Variants in SNX32 observed in about 807,000 individuals in gnomAD.
SNX32 encodes the protein sorting nexin 32, also known as sorting nexin-32.
SNX32 carries 58 observed loss-of-function variants against 57.0 expected under a neutral mutation model. The ratio of observed to expected loss-of-function variants is 1.02; its 90% confidence interval spans 0.82 to 1.27. The LOEUF is 1.27. Ranked by LOEUF, SNX32 falls within the 50% of genes most tolerant of loss-of-function variation. SNX32 has a pLI of 0.00. For synonymous variants in SNX32, 262 were observed against 220.4 expected (o/e 1.19, Z -1.67); for missense variants, 589 against 541.2 (o/e 1.09, Z -0.88).
intron 5 of SNX32, 88 bp from the exon 6 acceptor site, chr11:65,850,663 C>A: frequency 6.4e-7 from 1 of 1,570,988 alleles, no homozygotes. Context: ...GGGCCCAATC[C>A]TGTGTCACAG....
chr11:65,851,720 C>T (rs1304073594), intron 9 of SNX32, 41 bp downstream of exon 9: 2 of 1,608,122 alleles, frequency 1.2e-6, no homozygotes, highest in Non-Finnish European at 1.7e-6. Context: ...TCCTGGTGAG[C>T]TTTGCAGGGA....
chr11:65,853,326 G>A lies in SNX32; in HGVS notation c.1203G>A (p.Gly401=). Residue 401 remains glycine (G), a synonymous_variant, in exon 13 of 13, where the codon GGG becomes GGA. Coordinates refer to ENST00000308342, the MANE Select transcript of SNX32 (RefSeq NM_152760.3). ...GGAACACCCTTGTTGCCCTAAAGGGGGAGCCTTAGAGTAGCCAGAGCTCAG... is the reference window on the plus strand; with the variant it reads ...GGAACACCCTTGTTGCCCTAAAGGGAGAGCCTTAGAGTAGCCAGAGCTCAG... ...ILRNTLVALK[G]EP The A allele has an allele frequency of 1.2e-6, 2 of 1,614,070 alleles. No individual in the cohort carries two copies. Among genetic ancestry groups the A allele is most frequent in the Non-Finnish European group, 1.7e-6 (2 of 1,180,004 alleles).
chr11:65,850,445 T>A lies in SNX32; in HGVS notation c.389T>A (p.Ile130Asn), dbSNP rs1472688747. Residue 130 changes from isoleucine to asparagine, a missense_variant, in exon 5 of 13, where the codon ATC becomes AAC. Ile to Asn is a moderately radical substitution (Grantham distance 149). Transcript: ENST00000308342. ...CACTCTCGCAGGGAGTACCTGGCCATCTTTAAGAAGACAGTTGCGATGCAC... is the reference window on the plus strand; with the variant it reads ...CACTCTCGCAGGGAGTACCTGGCCAACTTTAAGAAGACAGTTGCGATGCAC... ...KQELEAEYLA[I>N]FKKTVAMHEV... is the part of the protein sequence containing the mutation. The A allele has an allele frequency of 1.2e-6, 2 of 1,614,042 alleles. No homozygotes were observed. The highest frequency in any genetic ancestry group is 1.7e-5 in the Admixed American group (1 of 60,010).
In SNX32 at chr11:65,853,544, A is replaced by G. The variant is rs1456851065; in HGVS notation, c.*209A>G. On this transcript the variant is annotated 3_prime_UTR_variant, in exon 13 of 13. Transcript: ENST00000308342. ...CAAGACACAGGGCAGCATGGGCATC[A>G]TAACTGGCCACAGTCAGCAGAGCCC... 1.2e-5 allele frequency: 7 copies of G among 600,304 alleles called. No homozygotes were observed. Among genetic ancestry groups the G allele is most frequent in the African/African-American group, 5.6e-5 (3 of 53,968 alleles). The allele number at this position is 600,304 out of a possible 1,614,324, so 37.2% of individuals were successfully genotyped here.
intron 1 of SNX32, among the ~76,000 whole-genome samples, chr11:65,842,222 A>G (rs866845140): frequency 1.2e-4 from 18 of 152,342 alleles, no homozygotes; most frequent in Middle Eastern, 6.8e-3. Context: ...TGTCACTCTT[A>G]ATAGGTCAAT....
Position 65,852,504 on chromosome 11 carries a change from C to T in SNX32, c.865C>T (p.Leu289=). ...GGTGGCTTCCGATGAGGACCTGAAGCTGTCAGACATGCTGAGGTACTACAT... is the reference window on the plus strand; with the variant it reads ...GGTGGCTTCCGATGAGGACCTGAAGTTGTCAGACATGCTGAGGTACTACAT... ...GRVASDEDLK[L]SDMLRYYMRD... The change falls in exon 10 of 13, where the codon CTG becomes TTG. Residue 289 remains leucine, a synonymous_variant. Coordinates refer to ENST00000308342, the MANE Select transcript of SNX32 (RefSeq NM_152760.3). 1 of 1,614,238 alleles carries T rather than the reference C, an allele frequency of 6.2e-7. No individual in the cohort carries two copies. The highest frequency in any genetic ancestry group is 8.5e-7 in the Non-Finnish European group (1 of 1,180,040).
intron 8 of SNX32, 93 bp from the exon 9 acceptor site, chr11:65,851,547 G>A: frequency 1.3e-6 from 2 of 1,548,056 alleles, no homozygotes; most frequent in South Asian, 2.3e-5. Context: ...GGAAGGAAAG[G>A]GGAGAGGGAG....
At chr11:65,849,401 G>T in intron 1 of SNX32, 77 bp from the exon 2 acceptor site, 1 of 1,092,782 alleles carries the variant, frequency 9.2e-7, no homozygotes, top group Non-Finnish European at 1.4e-6. Flanking sequence ...TTCTGCAGGT[G>T]GATCAGAAAG....
At chr11:65,834,626 G>T (rs1281201955) in intron 1 of SNX32, among the ~76,000 whole-genome samples, 1 of 150,308 alleles carries the variant, frequency 6.7e-6, no homozygotes, top group Non-Finnish European at 1.5e-5. Flanking sequence ...TGTATGGTCT[G>T]CATGTGTGCA....
chr11:65,838,758 G>A lies in SNX32; in HGVS notation c.36+4657G>A, dbSNP rs111342305. Among the ~76,000 whole-genome samples the A allele has an allele frequency of 1.6e-3, 248 of 151,884 alleles. 1 individual carries two copies. The highest frequency in any genetic ancestry group is 3.1e-3 in the Non-Finnish European group (210 of 67,982). On this transcript the variant is annotated intron_variant, in intron 1 of 12. Coordinates refer to ENST00000308342, the MANE Select transcript of SNX32 (RefSeq NM_152760.3). ...CAAGTATCAATAAATTTTAAAAGAC[G>A]AAATCATAGATTATATACTCTGACC...
intron 12 of SNX32, 83 bp downstream of exon 12, chr11:65,853,041 G>A: frequency 6.8e-7 from 1 of 1,466,370 alleles, no homozygotes; most frequent in Admixed American, 1.7e-5. Flanking sequence ...GGGTGTGCGT[G>A]CATGTGAGGG....
chr11:65,834,464 CTGTG>C (rs1238149513), intron 1 of SNX32, among the ~76,000 whole-genome samples: 2 of 144,406 alleles, frequency 1.4e-5, no homozygotes, highest in Admixed American at 6.9e-5. Context: ...CTGTGTGTGT[CTGTG>C]TGTGTGCACG....
At chr11:65,851,577 G>A in intron 8 of SNX32, 63 bp from the exon 9 acceptor site, 3 of 1,594,136 alleles carry the variant, frequency 1.9e-6, no homozygotes, top group Middle Eastern at 3.3e-4. Flanking sequence ...GAGAGGCTGA[G>A]ACAGAGAGGC....
intron 1 of SNX32, among the ~76,000 whole-genome samples, chr11:65,834,712 G>A (rs1427675071): frequency 6.6e-6 from 1 of 150,746 alleles, no homozygotes; most frequent in Non-Finnish European, 1.5e-5. Flanking sequence ...GCAGGTCTGT[G>A]TCTCTTTGTG....
chr11:65,850,227 T>C lies in SNX32; in HGVS notation c.330T>C (p.Ser110=), dbSNP rs367674181. ...AGAAATTGGGCGAGGGGGACAGCTC[T>C]GTCACTCGGGAAGAGTTTGCCAAGA... is the stretch of plus-strand genomic sequence containing the variant. ...KLQKLGEGDS[S]VTREEFAKMK... The change falls in exon 4 of 13, where the codon TCT becomes TCC. Residue 110 remains serine (S), a synonymous_variant. Transcript: ENST00000308342. The C allele has an allele frequency of 2.5e-6, 4 of 1,614,128 alleles. No homozygotes were observed. The African/African-American group carries it at 5.3e-5, about 22-fold the overall frequency.
chr11:65,853,340 G>A lies in SNX32; in HGVS notation c.*5G>A. 2.5e-6 allele frequency: 4 copies of A among 1,613,982 alleles called. No homozygotes were observed. The highest frequency in any genetic ancestry group is 3.4e-6 in the Non-Finnish European group (4 of 1,179,966). On this transcript the variant is annotated 3_prime_UTR_variant, in exon 13 of 13. Coordinates refer to ENST00000308342, the MANE Select transcript of SNX32 (RefSeq NM_152760.3). ...GCCCTAAAGGGGGAGCCTTAGAGTA[G>A]CCAGAGCTCAGCCAGACCCTAATCT...
rs117804536 is a variant in SNX32 at position 65,852,785 on chromosome 11, G to A, written c.1068G>A (p.Lys356=). Residue 356 remains lysine, a synonymous_variant, in exon 11 of 13, where the codon AAG becomes AAA. Transcript: ENST00000308342. The part of the protein sequence containing the change: ...QRFERLSDSA[K]QELMDFKSRR... ...TCGAGCGCCTCTCCGACTCCGCCAA[G>A]CAAGGTGAGCCCGCAGCCCCCAGCC... 90 of 1,610,118 alleles carry A rather than the reference G, an allele frequency of 5.6e-5. No homozygotes were observed. The highest frequency in any genetic ancestry group is 7.6e-5 in the Non-Finnish European group (89 of 1,177,882).
intron 12 of SNX32, 110 bp downstream of exon 12, chr11:65,853,068 C>A: frequency 7.6e-7 from 1 of 1,311,388 alleles, no homozygotes; most frequent in African/African-American, 1.5e-5. Flanking sequence ...CGCATGTATG[C>A]GCGTGTGTGT....
intron 1 of SNX32, among the ~76,000 whole-genome samples, chr11:65,839,340 C>T (rs1858770650): frequency 1.4e-5 from 2 of 140,212 alleles, no homozygotes; most frequent in Admixed American, 1.5e-4. Context: ...CGCCATTCTC[C>T]CGCCTCAGCC....
Sources: allele counts gnomAD v4.1 joint callset (sites outside exome capture counted in the v4.1 genomes callset), GRCh38; gene constraint gnomAD v4.1.1; transcripts MANE v1.5; gene names NCBI Gene and HGNC (gene_info 2026-07-23, HGNC 2026-07-21).